MIA3: variants seen among roughly 807,000 people sequenced by gnomAD.
The protein encoded by MIA3 is MIA SH3 domain ER export factor 3.
In MIA3, 90 loss-of-function variants were observed where a neutral mutation model predicts 192.4. The observed-to-expected ratio is 0.47, with a 90% CI of 0.39 to 0.56. The LOEUF (loss-of-function observed/expected upper bound fraction) is 0.56. MIA3 is among the 20% of genes least tolerant of loss of function. The pLI, the probability that MIA3 is intolerant of heterozygous loss-of-function variation, is 0.00. For missense variants in MIA3, 2,123 were observed against 2,269.4 expected (o/e 0.94, Z 1.31); for synonymous variants, 740 against 792.8 (o/e 0.93, Z 1.12).
At chr1:222,644,728 GT>G in intron 6 of MIA3, 1 of 852,186 alleles carries the variant, frequency 1.2e-6, no homozygotes, top group Non-Finnish European at 1.8e-6. Flanking sequence ...TTTCTATGCT[GT>G]TTAGGGAGGC....
Position 222,628,158 on chromosome 1 carries a change from C to T in MIA3, c.938C>T (p.Ala313Val), listed in dbSNP as rs143417999. 92 of 1,613,860 alleles carry T rather than the reference C, an allele frequency of 5.7e-5. No individual in the cohort carries two copies. In the East Asian group the frequency reaches 2.0e-3, roughly 35 times the overall value. The change falls in exon 4 of 28, where the codon GCA (alanine) becomes GTA (valine). Residue 313 changes from alanine (A) to valine (V), a missense_variant. Ala to Val is a moderately conservative substitution (Grantham distance 64, BLOSUM62 0). Around this residue, in one of 3 missense-constraint regions of MIA3, gnomAD observed 1,357 missense variants for 1,396.1 expected, o/e 0.97. Coordinates refer to ENST00000344922, the MANE Select transcript of MIA3 (RefSeq NM_198551.4). ...FDEELDTEYY[A>V]VGKEDEENQE... is the part of the protein sequence containing the mutation. ...GAGGAATTGGATACTGAGTATTATG[C>T]AGTTGGAAAGGAAGATGAGGAGAAC...
intron 15 of MIA3, 57 bp downstream of exon 15, chr1:222,653,396 C>T: frequency 4.6e-6 from 5 of 1,089,300 alleles, no homozygotes; most frequent in Non-Finnish European, 6.9e-6. Flanking sequence ...TTAAGTGCAC[C>T]AGTGCTACTT....
rs192868014 is a variant in MIA3, at chr1:222,644,294, G to A, written c.3478-1260G>A. The A allele has an allele frequency of 1.7e-3, 2,343 of 1,414,264 alleles. 3 individuals carry two copies. Among genetic ancestry groups the A allele is most frequent in the Non-Finnish European group, 2.0e-3 (2,196 of 1,082,280 alleles). The allele number at this position is 1,414,264 out of a possible 1,614,324, so 87.6% of individuals were successfully genotyped here. A position where few individuals can be genotyped will look rare whatever the true frequency, so the allele number is the denominator to read the frequency against. On this transcript the variant is annotated intron_variant, in intron 6 of 27. Transcript: ENST00000344922. ...GGTGCCTTGAGGTGCGCCAGGGGCA[G>A]TGGCTGATGACGTGTTTTATAGGCG...
rs1664320529 is a variant in MIA3, at chr1:222,666,958, G to C, written c.*1339G>C. ...CCACACTAAAACTAAAATCATAAAA[G>C]GCTGATACTTTTGTTTGCTGCTAGG... On this transcript the variant is annotated 3_prime_UTR_variant, in exon 28 of 28. Transcript: ENST00000344922. 1 of 152,058 alleles carries C rather than the reference G, an allele frequency of 6.6e-6. No homozygotes were observed. The highest frequency in any genetic ancestry group is 2.4e-5 in the African/African-American group (1 of 41,398). 9.4% of individuals were successfully genotyped at this position (152,058 alleles called of 1,614,324 possible). A position where few individuals can be genotyped will look rare whatever the true frequency, so the allele number is the denominator to read the frequency against.
In MIA3 at chr1:222,660,139, G is replaced by C. The variant is rs200289136; in HGVS notation, c.4976-38G>C. The C allele has an allele frequency of 4.4e-5, 71 of 1,600,160 alleles. No individual in the cohort carries two copies. The East Asian group carries it at 1.1e-3, about 24-fold the overall frequency. ...CCAAGAACTGAATAAAGAAAAAAAG[G>C]CTGTCTTAAAATGCTAACAAGATGC... On this transcript the variant is annotated intron_variant, in intron 23 of 27. Coordinates refer to ENST00000344922, the MANE Select transcript of MIA3 (RefSeq NM_198551.4).
rs559922621 is a variant in MIA3, at chr1:222,657,052, G to A, written c.4608-1670G>A. 5.9e-5 allele frequency among the ~76,000 whole-genome samples: 9 copies of A among 152,350 alleles called. No homozygotes were observed. In the South Asian group the frequency reaches 6.2e-4, roughly 11 times the overall value. On this transcript the variant is annotated intron_variant, in intron 18 of 27. Transcript: ENST00000344922. ...ATTACATTGTCTTGTCTTGTGGAAT[G>A]TCTGGTTGGTTTTGATGGAGTGGTG...
At position 222,629,706 on chromosome 1, in the gene MIA3, A is replaced by G; in HGVS notation, c.2486A>G (p.Asp829Gly). 6.2e-7 allele frequency: 1 copy of G among 1,614,142 alleles called. No homozygotes were observed. The highest frequency in any genetic ancestry group is 1.3e-5 in the African/African-American group (1 of 75,062). Residue 829 changes from aspartate to glycine, a missense_variant, in exon 4 of 28, where the codon GAC becomes GGC. This residue lies in a region of MIA3 where 1,357 missense variants were observed against 1,396.1 expected (regional missense o/e 0.97). Transcript: ENST00000344922. ...GCACAGAGACCATTTGAACGAAGTG[A>G]CTTTTCTGACAGCATAAAAATTCAG... ...KKAQRPFERSDFSDSIKIQTP... is the reference protein window; with the variant it reads ...KKAQRPFERSGFSDSIKIQTP...
rs1461080314 is a variant in MIA3 at position 222,667,277 on chromosome 1, A to T, written c.*1658A>T. On this transcript the variant is annotated 3_prime_UTR_variant, in exon 28 of 28. Transcript: ENST00000344922. ...CCGTTTAATATCAAGAATAGAAGAA[A>T]TTAAGAGGAAAACTCCACAGAAGAG... 2 of 152,236 alleles carry T rather than the reference A, an allele frequency of 1.3e-5. No homozygotes were observed. Among genetic ancestry groups the T allele is most frequent in the Non-Finnish European group, 2.9e-5 (2 of 68,028 alleles). 9.4% of individuals were successfully genotyped at this position (152,236 alleles called of 1,614,324 possible).
intron 5 of MIA3, 123 bp from the exon 6 acceptor site, chr1:222,632,981 G>A (rs1662468370): frequency 1.3e-5 from 13 of 973,258 alleles, no homozygotes; most frequent in Non-Finnish European, 2.0e-5. Flanking sequence ...AACATCCAGT[G>A]AGAGATGAGA....
At chr1:222,626,521 T>C (rs1473685373) in intron 3 of MIA3, among the ~76,000 whole-genome samples, 2 of 152,088 alleles carry the variant, frequency 1.3e-5, no homozygotes, top group Non-Finnish European at 2.9e-5. Context: ...TCTTTGTTGG[T>C]TTTTTAACTT....
At chr1:222,662,538 T>A (rs1288665802) in intron 26 of MIA3, 1 of 1,361,442 alleles carries the variant, frequency 7.3e-7, no homozygotes, top group African/African-American at 1.5e-5. Flanking sequence ...CAGTAAGTAC[T>A]TAGAAGTGTG....
rs140132672 is a variant in MIA3 at position 222,647,933 on chromosome 1, A to G, written c.3610-896A>G. The stretch of plus-strand genomic sequence containing the variant: ...ATGTATACAGTATATTAATTATTGT[A>G]TACAGTAATACAGTATATTATGTAA... On this transcript the variant is annotated intron_variant, in intron 7 of 27. Transcript: ENST00000344922. 188 of 380,214 alleles carry G rather than the reference A, an allele frequency of 4.9e-4. 2 individuals are homozygous for G. Among genetic ancestry groups the G allele is most frequent in the South Asian group, 3.3e-3 (178 of 53,368 alleles). The allele number at this position is 380,214 out of a possible 1,614,324, so 23.6% of individuals were successfully genotyped here.
intron 9 of MIA3, 57 bp downstream of exon 9, chr1:222,650,437 A>G: frequency 1.0e-6 from 1 of 988,044 alleles, no homozygotes; most frequent in South Asian, 1.5e-5. Context: ...ATTATTTGTC[A>G]CCTATCTTAT....
rs576323269 is a variant in MIA3, at chr1:222,667,918, C to T, written c.*2299C>T. On this transcript the variant is annotated 3_prime_UTR_variant, in exon 28 of 28. Coordinates refer to ENST00000344922, the MANE Select transcript of MIA3 (RefSeq NM_198551.4). ...CATTGGAAAGTAAATTTAAGTAATT[C>T]GTGGGATGTGGTATATTCTGTGTCA... The T allele has an allele frequency of 1.6e-4, 24 of 152,144 alleles. No homozygotes were observed. In the South Asian group the frequency reaches 4.1e-3, roughly 26 times the overall value. 9.4% of individuals were successfully genotyped at this position (152,144 alleles called of 1,614,324 possible). A position where few individuals can be genotyped will look rare whatever the true frequency, so the allele number is the denominator to read the frequency against.
intron 19 of MIA3, 63 bp from the exon 20 acceptor site, chr1:222,659,390 G>A: frequency 1.4e-6 from 2 of 1,440,236 alleles, no homozygotes; most frequent in Non-Finnish European, 2.0e-6. Context: ...GGTTAACATA[G>A]TCAGATTGTT....
At chr1:222,632,096 G>C (rs925156461) in intron 4 of MIA3, 69 bp from the exon 5 acceptor site, 33 of 1,473,906 alleles carry the variant, frequency 2.2e-5, no homozygotes, top group Non-Finnish European at 2.7e-5. Context: ...CCCTGGTGTG[G>C]TCAGTGGGAT....
chr1:222,659,679 C>A (rs765394889), intron 21 of MIA3, 22 bp downstream of exon 21: 3 of 1,613,344 alleles, frequency 1.9e-6, no homozygotes, highest in Non-Finnish European at 2.5e-6. Flanking sequence ...TTTTTTCTTT[C>A]CCTTATTTTG....
chr1:222,661,461 T>C (rs1133220), intron 24 of MIA3: 86,447 of 153,172 alleles, frequency 0.56, 27,898 homozygotes, highest in Non-Finnish European at 0.72. Flanking sequence ...ACAATATATA[T>C]ACAGAATATG....
intron 18 of MIA3, among the ~76,000 whole-genome samples, chr1:222,657,377 TGAA>T (rs2124921289): frequency 6.6e-6 from 1 of 152,320 alleles, no homozygotes; most frequent in African/African-American, 2.4e-5. Context: ...AGGGATCTGT[TGAA>T]AGTTCTTTTC....
Sources: allele counts gnomAD v4.1 joint callset (sites outside exome capture counted in the v4.1 genomes callset), GRCh38; gene constraint gnomAD v4.1.1; regional missense constraint gnomAD v4.1.1; transcripts MANE v1.5; gene names NCBI Gene and HGNC (gene_info 2026-07-23, HGNC 2026-07-21).